PKP4: variants seen among roughly 807,000 people sequenced by gnomAD.
PKP4 encodes the protein plakophilin-4.
In PKP4, 90 loss-of-function variants were observed where a neutral mutation model predicts 145.1. That is an observed-to-expected ratio of 0.62 (90% confidence interval 0.52 to 0.74). The LOEUF (loss-of-function observed/expected upper bound fraction) is 0.74, where lower values mean the gene tolerates loss of function less well. Among genes scored for constraint, PKP4 ranks in the 30% least tolerant of loss-of-function variants. The probability of loss-of-function intolerance (pLI) is 0.00; values close to 1 mark genes in which losing one functional copy is unlikely to be tolerated. For synonymous variants in PKP4, 563 were observed against 577.2 expected (o/e 0.98, Z 0.35); for missense variants, 1,340 against 1,482.7 (o/e 0.90, Z 1.58).
chr2:158,652,418 TA>T (rs2055456734), intron 11 of PKP4, among the ~76,000 whole-genome samples: 1 of 152,184 alleles, frequency 6.6e-6, no homozygotes, highest in East Asian at 1.9e-4. Flanking sequence ...ATCTTGGCAT[TA>T]CTCTCGTCCC....
Position 158,462,710 on chromosome 2 carries a change from G to A in PKP4, c.-6+5492G>A, listed in dbSNP as rs79443893. 8.1e-3 allele frequency among the ~76,000 whole-genome samples: 1,229 copies of A among 152,220 alleles called. 23 individuals are homozygous for A. Among genetic ancestry groups the A allele is most frequent in the African/African-American group, 0.028 (1,162 of 41,544 alleles). On this transcript the variant is annotated intron_variant, in intron 1 of 21. Coordinates refer to ENST00000389759, the MANE Select transcript of PKP4 (RefSeq NM_003628.6). ...TGTCATTAAGGTAGTGAGGTGTCAT[G>A]ATTAGCAGCCTTACTGTCAGGGTCC...
chr2:158,588,491 G>C (rs551491714), intron 3 of PKP4, among the ~76,000 whole-genome samples: 1 of 152,122 alleles, frequency 6.6e-6, no homozygotes, highest in African/African-American at 2.4e-5. Context: ...TGTTGATGTT[G>C]TTTGCTCATT....
chr2:158,566,064 T>C (rs1444421656), intron 2 of PKP4, among the ~76,000 whole-genome samples: 2 of 152,194 alleles, frequency 1.3e-5, no homozygotes, highest in Admixed American at 6.6e-5. Flanking sequence ...CCACAGAATA[T>C]CTGCGGACAA....
intron 1 of PKP4, among the ~76,000 whole-genome samples, chr2:158,491,219 G>A (rs1029658776): frequency 3.9e-5 from 6 of 152,020 alleles, no homozygotes; most frequent in Non-Finnish European, 7.4e-5. Context: ...ATCGTAAAAA[G>A]GGGTGCGTGA....
chr2:158,601,019 T>C (rs1054811881), intron 3 of PKP4, among the ~76,000 whole-genome samples: 2 of 152,158 alleles, frequency 1.3e-5, no homozygotes, highest in African/African-American at 4.8e-5. Flanking sequence ...TTGACCTGCT[T>C]ATACTAGGTA....
At chr2:158,545,066 T>C (rs191760454) in intron 2 of PKP4, among the ~76,000 whole-genome samples, 21 of 138,574 alleles carry the variant, frequency 1.5e-4, no homozygotes, top group African/African-American at 5.6e-4. Context: ...CTAACCTAAG[T>C]CTTTCACTTT....
chr2:158,478,688 T>G (rs1692889324), intron 1 of PKP4, among the ~76,000 whole-genome samples: 1 of 152,236 alleles, frequency 6.6e-6, no homozygotes, highest in Non-Finnish European at 1.5e-5. Context: ...TAATTTGAAC[T>G]TTTATTGTAA....
intron 1 of PKP4, among the ~76,000 whole-genome samples, chr2:158,463,262 C>A (rs1690059151): frequency 6.6e-6 from 1 of 152,088 alleles, no homozygotes; most frequent in Admixed American, 6.5e-5. Flanking sequence ...CGTTTGTAAT[C>A]CCAGGTAGTA....
At chr2:158,484,322 C>T (rs559331582) in intron 1 of PKP4, among the ~76,000 whole-genome samples, 1 of 152,308 alleles carries the variant, frequency 6.6e-6, no homozygotes, top group East Asian at 1.9e-4. Context: ...GCTGGGATTA[C>T]AGGCGTGAGC....
At chr2:158,465,054 T>G (rs1477559543) in intron 1 of PKP4, among the ~76,000 whole-genome samples, 5 of 152,250 alleles carry the variant, frequency 3.3e-5, no homozygotes, top group Admixed American at 6.5e-5. Context: ...CCAGGGATAC[T>G]TACTGTCTGT....
chr2:158,509,615 C>T (rs543898923), intron 1 of PKP4, among the ~76,000 whole-genome samples: 1 of 152,308 alleles, frequency 6.6e-6, no homozygotes, highest in Admixed American at 6.5e-5. Context: ...ATTAAAAGTA[C>T]TCCTTTGTGT....
chr2:158,565,567 T>A (rs2046905645), intron 2 of PKP4, among the ~76,000 whole-genome samples: 1 of 151,948 alleles, frequency 6.6e-6, no homozygotes, highest in African/African-American at 2.4e-5. Context: ...ATAAAATTGC[T>A]TTTATATATA....
chr2:158,500,148 T>G (rs1208213767), intron 1 of PKP4, among the ~76,000 whole-genome samples: 1 of 152,234 alleles, frequency 6.6e-6, no homozygotes, highest in Non-Finnish European at 1.5e-5. Flanking sequence ...TGTTTCTAAT[T>G]ACTCTATTTT....
At chr2:158,520,103 T>G (rs771380149) in intron 1 of PKP4, among the ~76,000 whole-genome samples, 1 of 152,192 alleles carries the variant, frequency 6.6e-6, no homozygotes, top group Non-Finnish European at 1.5e-5. Context: ...GTAATTCGTG[T>G]TTATCAAGAT....
chr2:158,615,930 C>T (rs2051560813), intron 4 of PKP4, among the ~76,000 whole-genome samples: 2 of 152,106 alleles, frequency 1.3e-5, no homozygotes, highest in Admixed American at 6.5e-5. Flanking sequence ...ATGCACAAGA[C>T]CCAAGAATCT....
At chr2:158,568,022 T>A (rs897214999) in intron 2 of PKP4, among the ~76,000 whole-genome samples, 9 of 152,230 alleles carry the variant, frequency 5.9e-5, no homozygotes, top group Admixed American at 3.9e-4. Context: ...TGCATGAGAA[T>A]CTCCTGGAGG....
intron 1 of PKP4, among the ~76,000 whole-genome samples, chr2:158,521,854 T>C (rs943879912): frequency 1.3e-5 from 2 of 152,252 alleles, no homozygotes; most frequent in African/African-American, 4.8e-5. Flanking sequence ...CTACTTATTA[T>C]TGTTAAAATA....
intron 2 of PKP4, among the ~76,000 whole-genome samples, chr2:158,564,937 T>C (rs1042046736): frequency 1.3e-5 from 2 of 152,220 alleles, no homozygotes; most frequent in Non-Finnish European, 2.9e-5. Context: ...AAGAATGTTT[T>C]GAAGTAATAA....
chr2:158,626,606 C>T (rs547659780), intron 7 of PKP4, among the ~76,000 whole-genome samples: 25 of 152,272 alleles, frequency 1.6e-4, no homozygotes, highest in Admixed American at 1.3e-3. Context: ...AGGTTACACA[C>T]GGATTTATAT....
Sources: gnomAD v4.1 joint callset for allele counts (sites outside exome capture counted in the v4.1 genomes callset) on GRCh38, gnomAD v4.1.1 for gene constraint, MANE v1.5 for transcripts, NCBI Gene and HGNC (gene_info 2026-07-23, HGNC 2026-07-21) for gene names.